The following NELL2 variants were observed in gnomAD, a reference collection of about 807,000 sequenced individuals.
NELL2 encodes neural EGFL like 2.
NELL2 carries 41 observed loss-of-function variants against 109.6 expected under a neutral mutation model. The ratio of observed to expected loss-of-function variants is 0.37; its 90% confidence interval spans 0.29 to 0.49. NELL2 has a LOEUF of 0.49. NELL2 is among the 20% of genes least tolerant of loss of function. The probability of loss-of-function intolerance (pLI) is 0.98; values close to 1 mark genes in which losing one functional copy is unlikely to be tolerated. For missense variants in NELL2, 900 were observed against 1,008.3 expected (o/e 0.89, Z 1.45); for synonymous variants, 355 against 344.7 (o/e 1.03, Z -0.33).
chr12:44,751,314 T>C (rs1940640962), intron 9 of NELL2, among the ~76,000 whole-genome samples: 1 of 152,216 alleles, frequency 6.6e-6, no homozygotes, highest in Non-Finnish European at 1.5e-5. Flanking sequence ...AATGATATTT[T>C]GTTCTTTATA....
chr12:44,592,292 A>G (rs1163775648), intron 15 of NELL2, among the ~76,000 whole-genome samples: 2 of 152,226 alleles, frequency 1.3e-5, no homozygotes, highest in Non-Finnish European at 2.9e-5. Context: ...GTTTTCAGTA[A>G]TGACCAGCTG....
chr12:44,548,621 G>GT (rs750918692), intron 15 of NELL2, among the ~76,000 whole-genome samples: 5 of 151,052 alleles, frequency 3.3e-5, no homozygotes, highest in Admixed American at 1.3e-4. Context: ...CTAAGCTACC[G>GT]TTTTTTTTGG....
intron 2 of NELL2, among the ~76,000 whole-genome samples, chr12:44,848,399 G>A (rs1944436846): frequency 6.6e-6 from 1 of 152,102 alleles, no homozygotes; most frequent in Non-Finnish European, 1.5e-5. Flanking sequence ...GGCTCTGATG[G>A]AGCTAACAAA....
intron 3 of NELL2, among the ~76,000 whole-genome samples, chr12:44,780,626 C>T (rs10880686): frequency 0.23 from 34,957 of 151,696 alleles, 4,252 homozygotes; most frequent in South Asian, 0.3. Context: ...AATGAGGAGC[C>T]TGGACTTCCA....
intron 1 of NELL2, among the ~76,000 whole-genome samples, chr12:44,901,994 G>T (rs995103341): frequency 2.6e-5 from 4 of 152,110 alleles, no homozygotes; most frequent in African/African-American, 9.7e-5. Flanking sequence ...ACTGGCACAA[G>T]ACAAGGATAC....
chr12:44,781,520 T>C (rs368246819), intron 3 of NELL2, among the ~76,000 whole-genome samples: 1 of 151,914 alleles, frequency 6.6e-6, no homozygotes, highest in Non-Finnish European at 1.5e-5. Context: ...GCAAGAGATA[T>C]AAACTCACAG....
At chr12:44,798,829 G>A (rs1029265336) in intron 3 of NELL2, among the ~76,000 whole-genome samples, 5 of 151,584 alleles carry the variant, frequency 3.3e-5, no homozygotes, top group Non-Finnish European at 5.9e-5. Flanking sequence ...AAATAGGGTC[G>A]CCTGATTATA....
intron 2 of NELL2, among the ~76,000 whole-genome samples, chr12:44,820,384 A>T (rs12227370): frequency 0.17 from 25,306 of 151,996 alleles, 2,508 homozygotes; most frequent in East Asian, 0.41. Flanking sequence ...CGAAGCGGAC[A>T]GATCACGAGG....
intron 1 of NELL2, among the ~76,000 whole-genome samples, chr12:44,906,353 GA>G (rs1945719092): frequency 6.6e-6 from 1 of 152,074 alleles, no homozygotes. Context: ...TAAGTGAAAT[GA>G]AATGTCACAG....
intron 2 of NELL2, among the ~76,000 whole-genome samples, chr12:44,823,427 T>C (rs1943605944): frequency 6.6e-6 from 1 of 152,188 alleles, no homozygotes; most frequent in Non-Finnish European, 1.5e-5. Context: ...CAATCACCAT[T>C]TTACTCTCTG....
chr12:44,771,354 A>T (rs1941543985), intron 9 of NELL2, among the ~76,000 whole-genome samples: 2 of 152,076 alleles, frequency 1.3e-5, no homozygotes, highest in South Asian at 4.1e-4. Flanking sequence ...TTTAAAAAAA[A>T]AAAAGGAAAG....
intron 2 of NELL2, among the ~76,000 whole-genome samples, chr12:44,817,329 T>G (rs1943386320): frequency 6.6e-6 from 1 of 152,184 alleles, no homozygotes; most frequent in South Asian, 2.1e-4. Context: ...AGGCCCACGA[T>G]TTTACATAAT....
intron 1 of NELL2, chr12:44,881,673 A>C (rs1447947416): frequency 6.6e-6 from 1 of 152,062 alleles, no homozygotes. Flanking sequence ...AAATGTCATC[A>C]GAATTCCAAA....
intron 9 of NELL2, among the ~76,000 whole-genome samples, chr12:44,749,086 C>T (rs1940526763): frequency 6.6e-6 from 1 of 152,128 alleles, no homozygotes; most frequent in Admixed American, 6.6e-5. Context: ...AGGACTAAGT[C>T]TGACACTTCA....
chr12:44,572,599 A>G (rs1176268595), intron 15 of NELL2, among the ~76,000 whole-genome samples: 1 of 147,792 alleles, frequency 6.8e-6, no homozygotes, highest in African/African-American at 2.4e-5. Context: ...ACAGTGTTTC[A>G]ATGTTACTTG....
chr12:44,913,840 A>G (rs1945805114), exon 1 of NELL2: 4 of 779,372 alleles, frequency 5.1e-6, no homozygotes, highest in African/African-American at 3.6e-5. Context: ...TAGACATTTT[A>G]TAATAATAAT....
At chr12:44,723,368 G>T (rs1441471100) in intron 9 of NELL2, among the ~76,000 whole-genome samples, 1 of 152,080 alleles carries the variant, frequency 6.6e-6, no homozygotes, top group Non-Finnish European at 1.5e-5. Flanking sequence ...TTGAATAGAG[G>T]CAGTCCAGAG....
chr12:44,643,433 T>A (rs1017224472), intron 13 of NELL2, among the ~76,000 whole-genome samples: 1 of 152,128 alleles, frequency 6.6e-6, no homozygotes, highest in Non-Finnish European at 1.5e-5. Context: ...ACGTAGGCAT[T>A]GCATGTGTAG....
chr12:44,522,107 G>A lies in NELL2; in HGVS notation c.2068C>T (p.Pro690Ser). 6.2e-7 allele frequency: 1 copy of A among 1,613,518 alleles called. No homozygotes were observed. The highest frequency in any genetic ancestry group is 8.5e-7 in the Non-Finnish European group (1 of 1,179,824). The change falls in exon 18 of 20, where the codon CCT (proline) becomes TCT (serine). Residue 690 changes from proline (P) to serine (S), a missense_variant. By Grantham distance (74) the Pro-to-Ser change is moderately conservative. This residue lies in a region of NELL2 where 333 missense variants were observed against 432.3 expected (regional missense o/e 0.77). Transcript: ENST00000429094. ...CTACTAAGCCTTGGGTCACATTCAG[G>A]GCAGCAAAAAAGATCAACTGTGGGA... ...ENPTVDLFCC[P>S]ECDPRLSSQC...
Sources: allele counts gnomAD v4.1 joint callset (sites outside exome capture counted in the v4.1 genomes callset), GRCh38; gene constraint gnomAD v4.1.1; regional missense constraint gnomAD v4.1.1; transcripts MANE v1.5; gene names NCBI Gene and HGNC (gene_info 2026-07-23, HGNC 2026-07-21).